ZNF777: variants seen among roughly 807,000 people sequenced by gnomAD.
ZNF777 encodes zinc finger protein 777.
In ZNF777, 7 loss-of-function variants were observed where a neutral mutation model predicts 72.1. That is an observed-to-expected ratio of 0.10 (90% confidence interval 0.06 to 0.18). The LOEUF (loss-of-function observed/expected upper bound fraction) is 0.18. Ranked by LOEUF, ZNF777 falls within the 10% of genes least tolerant of loss-of-function variation. The pLI is 1.00. For synonymous variants in ZNF777, 545 were observed against 483.5 expected, an observed-to-expected ratio of 1.13 and a Z score of -1.67; for missense variants, 828 against 1,128.6, an observed-to-expected ratio of 0.73 and a Z score of 3.82.
At chr7:149,456,241 GATT>G (rs751940530) in intron 1 of ZNF777, among the ~76,000 whole-genome samples, 268 of 152,236 alleles carry the variant, frequency 1.8e-3, no homozygotes, top group Admixed American at 2.8e-3. Context: ...AATGAAAGAT[GATT>G]ATGCTACCTT....
Position 149,442,248 on chromosome 7 carries a change from A to C in ZNF777, c.1088-5422T>G, listed in dbSNP as rs942562410. ...AAAAAAAAAAAAAGTGATAAATTTG[A>C]ATACATAAAAGTTAAAAACTGCTAT... On this transcript the variant is annotated intron_variant, in intron 4 of 5. Coordinates refer to ENST00000247930, the MANE Select transcript of ZNF777 (RefSeq NM_015694.3). Among the ~76,000 whole-genome samples, 3 of 148,056 alleles carry C rather than the reference A, an allele frequency of 2.0e-5. No homozygotes were observed. In the East Asian group the frequency reaches 5.9e-4, roughly 29 times the overall value.
rs1338641849 is a variant in ZNF777, at chr7:149,455,432, C to T, written c.591G>A (p.Arg197=). ...AVWAAVQAVE[R]KLEAQAMRLL... is the part of the protein sequence containing the mutation. ...GCCTCATGGCCTGGGCCTCCAGCTTCCTCTCCACTGCTTGGACGGCAGCCC... is the reference window on the plus strand; with the variant it reads ...GCCTCATGGCCTGGGCCTCCAGCTTTCTCTCCACTGCTTGGACGGCAGCCC... Residue 197 remains arginine, a synonymous_variant, in exon 2 of 6, where the codon AGG becomes AGA. Coordinates refer to ENST00000247930, the MANE Select transcript of ZNF777 (RefSeq NM_015694.3). This position sits in a 1 kb window ranked among gnomAD's most constrained non-coding sequence, Gnocchi z 4.2. 2 of 1,614,220 alleles carry T rather than the reference C, an allele frequency of 1.2e-6. No homozygotes were observed. The highest frequency in any genetic ancestry group is 2.2e-5 in the East Asian group (1 of 44,882).
chr7:149,431,932 G>A lies in ZNF777; in HGVS notation c.2340C>T (p.Cys780=), dbSNP rs1193410591. 3 of 1,610,402 alleles carry A rather than the reference G, an allele frequency of 1.9e-6. No individual in the cohort carries two copies. The highest frequency in any genetic ancestry group is 2.2e-5 in the South Asian group (2 of 91,028). Residue 780 remains cysteine, a synonymous_variant, in exon 6 of 6, where the codon TGC becomes TGT. Coordinates refer to ENST00000247930, the MANE Select transcript of ZNF777 (RefSeq NM_015694.3). ...GCGTGAAGCGCTTGCCGCACTCGGC[G>A]CAGTGGTAGGGCCGCTCGCCTGTGT... ...RIHTGERPYH[C]AECGKRFTQK... is the part of the protein sequence containing the mutation.
intron 4 of ZNF777, among the ~76,000 whole-genome samples, chr7:149,450,764 C>CACTTGGTCACGACATG (rs564831572): frequency 5.4e-4 from 82 of 152,314 alleles, no homozygotes; most frequent in African/African-American, 1.9e-3. Flanking sequence ...AGTGAGGTGA[C>CACTTGGTCACGACATG]ACTTGGTCAT....
chr7:149,458,548 C>CT (rs1799878973), intron 1 of ZNF777, among the ~76,000 whole-genome samples: 33 of 111,208 alleles, frequency 3.0e-4, no homozygotes, highest in Admixed American at 2.4e-3. Context: ...AAACAAAACC[C>CT]TCCAGTATAG....
Position 149,436,867 on chromosome 7 carries a change from C to A in ZNF777, c.1088-41G>T. On this transcript the variant is annotated intron_variant, in intron 4 of 5. Coordinates refer to ENST00000247930, the MANE Select transcript of ZNF777 (RefSeq NM_015694.3). The surrounding 1 kb of genome is among the most constrained non-coding windows in gnomAD (Gnocchi z 5.0). ...CAGGGGTGAGGAGGAGAAAAGAACC[C>A]AGAATGTTCATGCCAACTGCCCAGG... 2 of 1,583,866 alleles carry A rather than the reference C, an allele frequency of 1.3e-6. No individual in the cohort carries two copies. The highest frequency in any genetic ancestry group is 1.1e-5 in the South Asian group (1 of 88,562).
At chr7:149,435,783 CA>C in intron 5 of ZNF777, among the ~76,000 whole-genome samples, 1 of 152,158 alleles carries the variant, frequency 6.6e-6, no homozygotes, top group Non-Finnish European at 1.5e-5. Context: ...AGAACAACAG[CA>C]AAAGCTGCCC....
rs1357365740 is a variant in ZNF777 at position 149,441,475 on chromosome 7, G to A, written c.1088-4649C>T. On this transcript the variant is annotated intron_variant, in intron 4 of 5. Transcript: ENST00000247930. ...GGCACTTCAGATATTCCTTCTGGAG[G>A]ATGTTCGGTTATTCGTGCCAAACAT... Among the ~76,000 whole-genome samples, 4 of 152,214 alleles carry A rather than the reference G, an allele frequency of 2.6e-5. No homozygotes were observed. The East Asian group carries it at 7.7e-4, about 29-fold the overall frequency.
chr7:149,459,945 C>T (rs1445481540), intron 1 of ZNF777: 3 of 930,722 alleles, frequency 3.2e-6, no homozygotes, highest in Non-Finnish European at 2.6e-6. Flanking sequence ...CGTAGCCCTC[C>T]CCCACCGCCC....
At chr7:149,447,682 G>A (rs557824529) in intron 4 of ZNF777, among the ~76,000 whole-genome samples, 20 of 152,296 alleles carry the variant, frequency 1.3e-4, no homozygotes, top group Admixed American at 1.2e-3. Context: ...CCCCCCTGCA[G>A]TGAGTTCTCT....
At chr7:149,441,342 A>G (rs1335354299) in intron 4 of ZNF777, among the ~76,000 whole-genome samples, 1 of 152,252 alleles carries the variant, frequency 6.6e-6, no homozygotes, top group Non-Finnish European at 1.5e-5. Context: ...GCTACTTCAC[A>G]TATTTCACAT....
Position 149,460,109 on chromosome 7 carries a change from C to CGGGCCGCCCTCACAGGAGCCG in ZNF777, c.-16+685_-16+705dup. ...CCGAGGCCGCGCGTCCGTGCGCGCG[C>CGGGCCGCCCTCACAGGAGCCG]GGGCCGCCCTCACAGGAGCCGGGGC... On this transcript the variant is annotated intron_variant, in intron 1 of 5. Coordinates refer to ENST00000247930, the MANE Select transcript of ZNF777 (RefSeq NM_015694.3). This position sits in a 1 kb window ranked among gnomAD's most constrained non-coding sequence, Gnocchi z 6.1. 9 of 982,056 alleles carry CGGGCCGCCCTCACAGGAGCCG rather than the reference C, an allele frequency of 9.2e-6. No individual in the cohort carries two copies. Among genetic ancestry groups the CGGGCCGCCCTCACAGGAGCCG allele is most frequent in the Non-Finnish European group, 1.1e-5 (9 of 828,718 alleles). The allele number at this position is 982,056 out of a possible 1,614,324, so 60.8% of individuals were successfully genotyped here. A position where few individuals can be genotyped will look rare whatever the true frequency, so the allele number is the denominator to read the frequency against.
In ZNF777 at chr7:149,443,380, G is replaced by T. The variant is rs1299092371; in HGVS notation, c.1088-6554C>A. Among the ~76,000 whole-genome samples, 3 of 152,198 alleles carry T rather than the reference G, an allele frequency of 2.0e-5. No individual in the cohort carries two copies. The East Asian group carries it at 5.8e-4, about 29-fold the overall frequency. ...TATGTAATCACATGCACATAAAATTGGAATGAATAAACTGCTGACTCTTGA... is the reference window on the plus strand; with the variant it reads ...TATGTAATCACATGCACATAAAATTTGAATGAATAAACTGCTGACTCTTGA... On this transcript the variant is annotated intron_variant, in intron 4 of 5. Coordinates refer to ENST00000247930, the MANE Select transcript of ZNF777 (RefSeq NM_015694.3).
rs368152059 is a variant in ZNF777 at position 149,453,553 on chromosome 7, G to A, written c.973+558C>T. Among the ~76,000 whole-genome samples the A allele has an allele frequency of 2.0e-4, 31 of 152,208 alleles. 1 individual carries two copies. The South Asian group carries it at 5.8e-3, about 29-fold the overall frequency. On this transcript the variant is annotated intron_variant, in intron 3 of 5. Transcript: ENST00000247930. ...AATCACAAGAATCTACAGACTTCGGGGTAAGGCAGATCTCCATGAAATAAG... is the reference window on the plus strand; with the variant it reads ...AATCACAAGAATCTACAGACTTCGGAGTAAGGCAGATCTCCATGAAATAAG...
At chr7:149,453,823 G>A (rs570185574) in intron 3 of ZNF777, among the ~76,000 whole-genome samples, 1 of 152,340 alleles carries the variant, frequency 6.6e-6, no homozygotes, top group Non-Finnish European at 1.5e-5. Flanking sequence ...GTCCCCATGG[G>A]GAAAAATATG....
At chr7:149,439,048 T>A (rs892587520) in intron 4 of ZNF777, among the ~76,000 whole-genome samples, 29 of 152,158 alleles carry the variant, frequency 1.9e-4, no homozygotes, top group African/African-American at 7.0e-4. Context: ...CCCTACTTCC[T>A]ACACTGGCTC....
intron 4 of ZNF777, among the ~76,000 whole-genome samples, chr7:149,441,972 G>A (rs886440078): frequency 2.0e-5 from 3 of 151,802 alleles, no homozygotes; most frequent in African/African-American, 4.8e-5. Flanking sequence ...TTGGGAGGCT[G>A]AGGCGGGTAA....
intron 2 of ZNF777, among the ~76,000 whole-genome samples, 191 bp downstream of exon 2, chr7:149,454,986 A>G (rs1435566102): frequency 6.6e-6 from 1 of 152,226 alleles, no homozygotes; most frequent in Non-Finnish European, 1.5e-5. Flanking sequence ...CCCCGATCCC[A>G]GGGGCATTTC....
chr7:149,434,977 G>C (rs1799387032), intron 5 of ZNF777, among the ~76,000 whole-genome samples: 1 of 152,136 alleles, frequency 6.6e-6, no homozygotes. Context: ...CTGTTTAGTA[G>C]TTTTCTAAAG....
Sources: allele counts gnomAD v4.1 joint callset (sites outside exome capture counted in the v4.1 genomes callset), GRCh38; gene constraint gnomAD v4.1.1; non-coding constraint Gnocchi (gnomAD v3.1); transcripts MANE v1.5; gene names NCBI Gene and HGNC (gene_info 2026-07-23, HGNC 2026-07-21).